Variants in EYA4 observed in about 807,000 individuals in gnomAD.
EYA4 encodes EYA transcriptional coactivator and phosphatase 4.
In EYA4, 31 loss-of-function variants were observed where a neutral mutation model predicts 87.9. The ratio of observed to expected loss-of-function variants is 0.35; its 90% CI spans 0.27 to 0.48. EYA4 has a LOEUF of 0.48. EYA4 is among the 20% of genes least tolerant of loss of function. The pLI, the probability that EYA4 is intolerant of heterozygous loss-of-function variation, is 0.99. For synonymous variants in EYA4, 263 were observed against 270.6 expected, an observed-to-expected ratio of 0.97 and a Z score of 0.28; for missense variants, 678 against 761.4, an observed-to-expected ratio of 0.89 and a Z score of 1.29.
chr6:133,277,536 A>T (rs1777277568), intron 2 of EYA4, among the ~76,000 whole-genome samples: 1 of 152,254 alleles, frequency 6.6e-6, no homozygotes, highest in Non-Finnish European at 1.5e-5. Context: ...CATATGCCTC[A>T]CTTAGAGTAA....
intron 13 of EYA4, among the ~76,000 whole-genome samples, chr6:133,485,282 C>T (rs1299624099): frequency 1.3e-5 from 2 of 152,034 alleles, no homozygotes; most frequent in East Asian, 3.9e-4. Context: ...TATGCATCCT[C>T]TGTGCTTCTA....
chr6:133,376,892 A>G (rs561673538), intron 2 of EYA4, among the ~76,000 whole-genome samples: 1 of 152,134 alleles, frequency 6.6e-6, no homozygotes, highest in South Asian at 2.1e-4. Flanking sequence ...AGGGGTGAAT[A>G]GTATTGTGAA....
At chr6:133,483,600 C>A (rs1008411408) in intron 13 of EYA4, among the ~76,000 whole-genome samples, 1 of 151,654 alleles carries the variant, frequency 6.6e-6, no homozygotes, top group East Asian at 1.9e-4. Flanking sequence ...GGTAACACCC[C>A]CTCCCATACA....
At chr6:133,525,306 G>T in intron 19 of EYA4, 52 bp downstream of exon 19, 3 of 1,494,834 alleles carry the variant, frequency 2.0e-6, no homozygotes, top group Non-Finnish European at 2.8e-6. Context: ...AAGCCTTTTT[G>T]TTTGCATTTC....
intron 3 of EYA4, among the ~76,000 whole-genome samples, chr6:133,428,783 A>G (rs781111295): frequency 6.6e-6 from 1 of 152,102 alleles, no homozygotes; most frequent in Admixed American, 6.5e-5. Flanking sequence ...CTTACCCCCA[A>G]GTCTCCAGCA....
chr6:133,475,316 G>A (rs1344280202), intron 11 of EYA4, among the ~76,000 whole-genome samples: 1 of 152,012 alleles, frequency 6.6e-6, no homozygotes, highest in African/African-American at 2.4e-5. Flanking sequence ...TGCACATGAA[G>A]ATGAGAAATA....
chr6:133,434,730 T>C (rs1791498318), intron 3 of EYA4, among the ~76,000 whole-genome samples: 1 of 152,340 alleles, frequency 6.6e-6, no homozygotes, highest in African/African-American at 2.4e-5. Flanking sequence ...TTTTGTACAT[T>C]ATATCAATGC....
chr6:133,443,295 T>A (rs1157048755), intron 3 of EYA4, among the ~76,000 whole-genome samples: 1 of 152,014 alleles, frequency 6.6e-6, no homozygotes. Flanking sequence ...AATATTTAAT[T>A]ATAAATTAAG....
intron 2 of EYA4, among the ~76,000 whole-genome samples, chr6:133,363,582 C>A (rs910432081): frequency 7.9e-5 from 12 of 151,310 alleles, no homozygotes; most frequent in Non-Finnish European, 4.4e-5. Flanking sequence ...TCACGCCATT[C>A]TCCTGCCTCA....
chr6:133,431,084 G>T (rs1325212318), intron 3 of EYA4, among the ~76,000 whole-genome samples: 1 of 152,170 alleles, frequency 6.6e-6, no homozygotes, highest in Non-Finnish European at 1.5e-5. Flanking sequence ...CACATTGGGT[G>T]TGTTTGACAA....
chr6:133,524,922 A>G, intron 18 of EYA4: 1 of 1,043,560 alleles, frequency 9.6e-7, no homozygotes, highest in South Asian at 1.3e-5. Flanking sequence ...AGCCAGTTCA[A>G]GTGATGTTCA....
intron 3 of EYA4, among the ~76,000 whole-genome samples, chr6:133,445,172 T>C (rs1016032328): frequency 2.6e-5 from 4 of 152,188 alleles, no homozygotes; most frequent in African/African-American, 9.6e-5. Context: ...CTTATCCAAG[T>C]TTAATATAAC....
At chr6:133,324,986 C>T (rs924011007) in intron 2 of EYA4, among the ~76,000 whole-genome samples, 1 of 141,558 alleles carries the variant, frequency 7.1e-6, no homozygotes, top group Non-Finnish European at 1.5e-5. Flanking sequence ...TCTCGGTTCA[C>T]TGCAAGCTCC....
intron 3 of EYA4, among the ~76,000 whole-genome samples, chr6:133,397,731 T>G (rs1787921210): frequency 6.6e-6 from 1 of 152,202 alleles, no homozygotes; most frequent in African/African-American, 2.4e-5. Context: ...TTTAATGGAC[T>G]TACAGCTCCA....
intron 1 of EYA4, chr6:133,247,560 T>C (rs570877986): frequency 1.3e-5 from 2 of 152,368 alleles, no homozygotes; most frequent in Non-Finnish European, 2.9e-5. Context: ...TCAATTTATC[T>C]GGTTATCGCA....
At chr6:133,292,894 C>T (rs1778602255) in intron 2 of EYA4, among the ~76,000 whole-genome samples, 1 of 152,142 alleles carries the variant, frequency 6.6e-6, no homozygotes, top group African/African-American at 2.4e-5. Flanking sequence ...TCTGTCATTT[C>T]ATAGATGTAA....
intron 3 of EYA4, among the ~76,000 whole-genome samples, chr6:133,422,823 G>T (rs1161275429): frequency 6.6e-6 from 1 of 152,162 alleles, no homozygotes; most frequent in Non-Finnish European, 1.5e-5. Flanking sequence ...CCTCAACCCA[G>T]AATACCCTTG....
intron 2 of EYA4, among the ~76,000 whole-genome samples, chr6:133,277,207 A>G (rs772749808): frequency 1.4e-4 from 22 of 152,198 alleles, no homozygotes; most frequent in Non-Finnish European, 3.1e-4. Context: ...AGCATTTTCC[A>G]TATACTTGCT....
chr6:133,312,615 T>G (rs1293367680), intron 2 of EYA4, among the ~76,000 whole-genome samples: 3 of 152,194 alleles, frequency 2.0e-5, no homozygotes, highest in African/African-American at 7.2e-5. Context: ...TTCTCAGATA[T>G]TTCCTTGTAT....
Sources: allele counts gnomAD v4.1 joint callset (sites outside exome capture counted in the v4.1 genomes callset), GRCh38; gene constraint gnomAD v4.1.1; transcripts MANE v1.5; gene names NCBI Gene and HGNC (gene_info 2026-07-23, HGNC 2026-07-21).